The following MELK variants were observed in gnomAD, a reference collection of about 807,000 sequenced individuals.
MELK encodes the protein pEg3 kinase.
In MELK, 81 loss-of-function variants were observed where a neutral mutation model predicts 85.0. That is an observed-to-expected ratio of 0.95 (90% CI 0.80 to 1.15). The LOEUF (loss-of-function observed/expected upper bound fraction) is 1.15, where lower values mean the gene tolerates loss of function less well. Among genes scored for constraint, MELK ranks in the 50% most tolerant of loss-of-function variants. The pLI is 0.00. For missense variants in MELK, 754 were observed against 777.5 expected (o/e 0.97, Z 0.36); for synonymous variants, 252 against 265.0 (o/e 0.95, Z 0.48).
intron 7 of MELK, among the ~76,000 whole-genome samples, chr9:36,599,793 G>A (rs1285052090): frequency 6.6e-6 from 1 of 152,184 alleles, no homozygotes; most frequent in African/African-American, 2.4e-5. Context: ...AAAGACGAAG[G>A]TTCCAGGCTC....
chr9:36,610,895 T>G (rs755170957), intron 8 of MELK, among the ~76,000 whole-genome samples: 2 of 152,206 alleles, frequency 1.3e-5, no homozygotes, highest in Non-Finnish European at 2.9e-5. Flanking sequence ...GGGCTGTGTT[T>G]TTTATTCTGA....
chr9:36,628,206 C>T (rs972713039), intron 8 of MELK, among the ~76,000 whole-genome samples: 1 of 151,964 alleles, frequency 6.6e-6, no homozygotes, highest in African/African-American at 2.4e-5. Context: ...TGAATTGTAG[C>T]AATGAAGCCT....
At chr9:36,605,126 A>G (rs998051366) in intron 7 of MELK, among the ~76,000 whole-genome samples, 4 of 152,028 alleles carry the variant, frequency 2.6e-5, no homozygotes, top group Non-Finnish European at 4.4e-5. Context: ...TCCCTACTTC[A>G]GGTGATCTGC....
chr9:36,607,597 T>A lies in MELK; in HGVS notation c.590T>A (p.Ile197Lys). The A allele has an allele frequency of 1.2e-6, 2 of 1,612,644 alleles. No homozygotes were observed. Among genetic ancestry groups the A allele is most frequent in the Non-Finnish European group, 1.7e-6 (2 of 1,178,720 alleles). ...GSEADVWSMGILLYVLMCGFL... is the reference protein window; with the variant it reads ...GSEADVWSMGKLLYVLMCGFL... ...CAGGCAGATGTTTGGAGCATGGGCATACTGTTATATGTTCTTATGTGTGGA... is the reference window on the plus strand; with the variant it reads ...CAGGCAGATGTTTGGAGCATGGGCAAACTGTTATATGTTCTTATGTGTGGA... Residue 197 changes from isoleucine to lysine, a missense_variant, in exon 8 of 18, where the codon ATA becomes AAA. Ile to Lys is a moderately radical substitution (Grantham distance 102). Transcript: ENST00000298048.
intron 11 of MELK, among the ~76,000 whole-genome samples, chr9:36,647,736 G>T (rs949207011): frequency 6.6e-6 from 1 of 151,996 alleles, no homozygotes; most frequent in Non-Finnish European, 1.5e-5. Context: ...TGACCCACCC[G>T]CCTCAGCCTC....
At chr9:36,670,274 G>GT (rs1194938690) in intron 15 of MELK, among the ~76,000 whole-genome samples, 1 of 152,008 alleles carries the variant, frequency 6.6e-6, no homozygotes, top group Non-Finnish European at 1.5e-5. Context: ...TGGTACTATG[G>GT]TTTTTTTAAA....
chr9:36,625,314 G>C (rs993350161), intron 8 of MELK, among the ~76,000 whole-genome samples: 1 of 152,090 alleles, frequency 6.6e-6, no homozygotes, highest in Non-Finnish European at 1.5e-5. Context: ...ATTTGAGACC[G>C]GGCAAATAAG....
At chr9:36,636,802 T>TTCTTTCTTTCTG (rs1449037954) in intron 10 of MELK, among the ~76,000 whole-genome samples, 3 of 75,256 alleles carry the variant, frequency 4.0e-5, no homozygotes, top group African/African-American at 1.2e-4. Context: ...CTTTCTTTCT[T>TTCTTTCTTTCTG]TCTGTCTTTC....
chr9:36,671,310 A>C lies in MELK; in HGVS notation c.1674+144A>C, dbSNP rs1001724909. On this transcript the variant is annotated intron_variant, in intron 16 of 17. Coordinates refer to ENST00000298048, the MANE Select transcript of MELK (RefSeq NM_014791.4). Reference sequence around the variant, plus strand: ...GTTAATATATGTTTTTTGAGCAACTAAAATCTGCATGTTACTGTGCAGTCA... The same window carrying C: ...GTTAATATATGTTTTTTGAGCAACTCAAATCTGCATGTTACTGTGCAGTCA... 1.5e-5 allele frequency: 14 copies of C among 933,234 alleles called. No homozygotes were observed. The South Asian group carries it at 3.1e-4, about 20-fold the overall frequency. 57.8% of individuals were successfully genotyped at this position (933,234 alleles called of 1,614,324 possible).
chr9:36,646,203 G>T (rs1011059738), intron 11 of MELK, among the ~76,000 whole-genome samples: 2 of 152,186 alleles, frequency 1.3e-5, no homozygotes, highest in Non-Finnish European at 2.9e-5. Flanking sequence ...GTAGCTCAGA[G>T]AATTCATACT....
chr9:36,642,889 A>T, intron 10 of MELK, 108 bp from the exon 11 acceptor site: 2 of 736,926 alleles, frequency 2.7e-6, no homozygotes, highest in South Asian at 2.1e-5. Flanking sequence ...TTCATGTTTT[A>T]CATAATGATA....
In MELK at chr9:36,674,875, T is replaced by C; in HGVS notation, c.1716T>C (p.Asp572=). ...NVTTTRLVNP[D]QLLNEIMSIL... ...CTACAACTAGATTAGTGAATCCAGA[T>C]CAACTGTTGAATGAAATAATGTCTA... Residue 572 remains aspartate, a synonymous_variant, in exon 17 of 18, where the codon GAT becomes GAC. Transcript: ENST00000298048. The C allele has an allele frequency of 6.2e-7, 1 of 1,601,430 alleles. No homozygotes were observed. The highest frequency in any genetic ancestry group is 8.6e-7 in the Non-Finnish European group (1 of 1,168,774).
At chr9:36,645,516 G>A (rs896100411) in intron 11 of MELK, among the ~76,000 whole-genome samples, 1 of 152,104 alleles carries the variant, frequency 6.6e-6, no homozygotes, top group Non-Finnish European at 1.5e-5. Context: ...ATGTAGTGAG[G>A]AAAGTAATAG....
intron 14 of MELK, among the ~76,000 whole-genome samples, chr9:36,666,853 T>TTG (rs5897643): frequency 0.021 from 2,713 of 130,764 alleles, 40 homozygotes; most frequent in Middle Eastern, 0.045. Flanking sequence ...ATGTCTGTGT[T>TTG]TGTGTGTGTG....
At chr9:36,613,883 A>T (rs1355923650) in intron 8 of MELK, among the ~76,000 whole-genome samples, 2 of 152,192 alleles carry the variant, frequency 1.3e-5, no homozygotes, top group South Asian at 2.1e-4. Context: ...GGCTCTCATA[A>T]GGACTTTGGC....
At chr9:36,609,473 G>T (rs1159874154) in intron 8 of MELK, among the ~76,000 whole-genome samples, 1 of 141,390 alleles carries the variant, frequency 7.1e-6, no homozygotes, top group Non-Finnish European at 1.5e-5. Context: ...TTTGAGATAA[G>T]GTCTTGCTGT....
At chr9:36,598,674 C>T (rs1429379237) in intron 6 of MELK, among the ~76,000 whole-genome samples, 1 of 152,106 alleles carries the variant, frequency 6.6e-6, no homozygotes, top group African/African-American at 2.4e-5. Flanking sequence ...GAAAATAGAG[C>T]TCTTCTGTAT....
At chr9:36,632,459 A>G (rs1828732986) in intron 9 of MELK, among the ~76,000 whole-genome samples, 1 of 152,284 alleles carries the variant, frequency 6.6e-6, no homozygotes, top group Middle Eastern at 3.4e-3. Flanking sequence ...TTCATTATGT[A>G]TTCAGAATAT....
chr9:36,638,999 G>T (rs745561981), intron 10 of MELK, among the ~76,000 whole-genome samples: 2 of 152,190 alleles, frequency 1.3e-5, no homozygotes, highest in Non-Finnish European at 2.9e-5. Context: ...CCTTTGTGGC[G>T]AGCATTGCTT....
Sources: allele counts gnomAD v4.1 joint callset (sites outside exome capture counted in the v4.1 genomes callset), GRCh38; gene constraint gnomAD v4.1.1; transcripts MANE v1.5; gene names NCBI Gene and HGNC (gene_info 2026-07-23, HGNC 2026-07-21).